IGF2BP3: variants seen among roughly 807,000 people sequenced by gnomAD.
IGF2BP3 encodes the protein insulin-like growth factor 2 mRNA-binding protein 3.
A neutral mutation model predicts 73.8 loss-of-function variants in IGF2BP3; 9 were observed. The observed-to-expected ratio is 0.12, with a 90% confidence interval of 0.07 to 0.21. The LOEUF is 0.21. IGF2BP3 is among the 10% of genes least tolerant of loss of function. The pLI, the probability that IGF2BP3 is intolerant of heterozygous loss-of-function variation, is 1.00. For synonymous variants in IGF2BP3, 258 were observed against 256.7 expected, an observed-to-expected ratio of 1.01 and a Z score of -0.05; for missense variants, 542 against 714.0, an observed-to-expected ratio of 0.76 and a Z score of 2.75.
chr7:23,388,013 T>G (rs1786142986), intron 3 of IGF2BP3, among the ~76,000 whole-genome samples: 4 of 152,082 alleles, frequency 2.6e-5, no homozygotes, highest in Admixed American at 2.0e-4. Context: ...TGATCTCAGC[T>G]CACTGCAAGC....
At chr7:23,350,659 C>G (rs1784937366) in intron 6 of IGF2BP3, among the ~76,000 whole-genome samples, 1 of 152,236 alleles carries the variant, frequency 6.6e-6, no homozygotes, top group African/African-American at 2.4e-5. Flanking sequence ...AAAGATCCTT[C>G]TATGTAGCAG....
chr7:23,381,298 T>C (rs1045870031), intron 3 of IGF2BP3, among the ~76,000 whole-genome samples: 3 of 152,190 alleles, frequency 2.0e-5, no homozygotes, highest in African/African-American at 7.2e-5. Flanking sequence ...AAAGGCCACA[T>C]GCCCAGCGGG....
At chr7:23,361,511 A>G in intron 5 of IGF2BP3, 23 bp downstream of exon 5, 1 of 1,593,056 alleles carries the variant, frequency 6.3e-7, no homozygotes, top group Non-Finnish European at 8.6e-7. Flanking sequence ...TTATATATAG[A>G]TTAAAAGCTT....
intron 3 of IGF2BP3, among the ~76,000 whole-genome samples, chr7:23,395,978 A>C (rs555423859): frequency 1.1e-4 from 17 of 151,878 alleles, no homozygotes; most frequent in African/African-American, 4.1e-4. Flanking sequence ...GAGACAACAA[A>C]TTTATATCCT....
rs529219911 is a variant in IGF2BP3, at chr7:23,372,764, G to C, written c.286-11023C>G. ...CTCCAACCACACCAGCCTTCGTTCA[G>C]TCATGAATCAGGGCTGCTAACATTT... On this transcript the variant is annotated intron_variant, in intron 3 of 14. Coordinates refer to ENST00000258729, the MANE Select transcript of IGF2BP3 (RefSeq NM_006547.3). Among the ~76,000 whole-genome samples the C allele has an allele frequency of 5.9e-5, 9 of 152,308 alleles. No homozygotes were observed. In the South Asian group the frequency reaches 1.9e-3, roughly 32 times the overall value.
chr7:23,342,009 G>C lies in IGF2BP3; in HGVS notation c.1203+55C>G, dbSNP rs530666601. 96 of 1,485,492 alleles carry C rather than the reference G, an allele frequency of 6.5e-5. No homozygotes were observed. In the Middle Eastern group the frequency reaches 7.5e-4, roughly 12 times the overall value. 92.0% of individuals were successfully genotyped at this position (1,485,492 alleles called of 1,614,324 possible). On this transcript the variant is annotated intron_variant, in intron 10 of 14. Transcript: ENST00000258729. The stretch of plus-strand genomic sequence containing the variant: ...TAAACAGATGATCACGCGGGGACTA[G>C]GTTTACATTAAGATTTTGCCCAATC...
At chr7:23,435,161 C>T (rs1262240251) in intron 2 of IGF2BP3, among the ~76,000 whole-genome samples, 1 of 151,322 alleles carries the variant, frequency 6.6e-6, no homozygotes, top group Admixed American at 6.6e-5. Flanking sequence ...GGTGTGGTGG[C>T]GGGTACGTGT....
chr7:23,395,588 C>T (rs1562724600), intron 3 of IGF2BP3, among the ~76,000 whole-genome samples: 1 of 150,676 alleles, frequency 6.6e-6, no homozygotes, highest in African/African-American at 2.4e-5. Flanking sequence ...ATGGCGAGAC[C>T]CCATCTCTAC....
At chr7:23,407,005 G>A (rs1165093155) in intron 3 of IGF2BP3, among the ~76,000 whole-genome samples, 2 of 151,972 alleles carry the variant, frequency 1.3e-5, no homozygotes, top group African/African-American at 4.8e-5. Flanking sequence ...GAAGTTATTA[G>A]AAATCAATAA....
chr7:23,334,021 T>C (rs189146704), intron 10 of IGF2BP3, among the ~76,000 whole-genome samples: 1 of 152,158 alleles, frequency 6.6e-6, no homozygotes. Flanking sequence ...TCTGGTACAC[T>C]TCATTCTTAT....
At chr7:23,322,878 T>C (rs868535955) in intron 10 of IGF2BP3, among the ~76,000 whole-genome samples, 1 of 151,872 alleles carries the variant, frequency 6.6e-6, no homozygotes, top group Non-Finnish European at 1.5e-5. Context: ...TGCCGAGAGA[T>C]TTTGTCACCA....
intron 2 of IGF2BP3, among the ~76,000 whole-genome samples, chr7:23,448,360 T>C (rs1454579824): frequency 1.3e-5 from 2 of 152,198 alleles, no homozygotes; most frequent in African/African-American, 4.8e-5. Context: ...ATCCTCCTCA[T>C]GTGTACTTGT....
chr7:23,426,105 T>A (rs1338281451), intron 2 of IGF2BP3, among the ~76,000 whole-genome samples: 2 of 152,042 alleles, frequency 1.3e-5, no homozygotes, highest in African/African-American at 2.4e-5. Context: ...GGCAGGCAGA[T>A]CACCTGAGGT....
intron 2 of IGF2BP3, among the ~76,000 whole-genome samples, chr7:23,430,524 C>T (rs1452500048): frequency 6.6e-6 from 1 of 152,224 alleles, no homozygotes; most frequent in East Asian, 1.9e-4. Context: ...AATTTTCATT[C>T]CAGCTGTGCC....
chr7:23,446,961 C>T (rs151318307), intron 2 of IGF2BP3, among the ~76,000 whole-genome samples: 2 of 151,862 alleles, frequency 1.3e-5, no homozygotes, highest in South Asian at 2.1e-4. Context: ...CTAGCACTTT[C>T]GGAGGCTGAG....
chr7:23,387,239 T>A (rs1377821389), intron 3 of IGF2BP3, among the ~76,000 whole-genome samples: 1 of 152,144 alleles, frequency 6.6e-6, no homozygotes, highest in Non-Finnish European at 1.5e-5. Flanking sequence ...AGTCTAATAA[T>A]GGGAAAAACT....
intron 3 of IGF2BP3, among the ~76,000 whole-genome samples, chr7:23,379,743 C>T (rs986361352): frequency 6.6e-6 from 1 of 152,218 alleles, no homozygotes; most frequent in Admixed American, 6.5e-5. Flanking sequence ...CCCCATGTGC[C>T]TGCTTCTGTC....
At chr7:23,423,414 A>C (rs1201953583) in intron 2 of IGF2BP3, among the ~76,000 whole-genome samples, 1 of 152,236 alleles carries the variant, frequency 6.6e-6, no homozygotes, top group Admixed American at 6.5e-5. Flanking sequence ...AGTCAAGAAA[A>C]GGTATTCATA....
At chr7:23,332,655 T>A (rs978144294) in intron 10 of IGF2BP3, among the ~76,000 whole-genome samples, 1 of 152,246 alleles carries the variant, frequency 6.6e-6, no homozygotes, top group African/African-American at 2.4e-5. Context: ...AAGAACAGCA[T>A]CTCTCTTTGG....
Sources: allele counts gnomAD v4.1 joint callset (sites outside exome capture counted in the v4.1 genomes callset), GRCh38; gene constraint gnomAD v4.1.1; transcripts MANE v1.5; gene names NCBI Gene and HGNC (gene_info 2026-07-23, HGNC 2026-07-21).